Variants in LRMDA observed in about 807,000 individuals in gnomAD.
LRMDA encodes leucine-rich melanocyte differentiation-associated protein.
Under a neutral mutation model 29.8 loss-of-function variants are expected in LRMDA, and 18 were observed. The ratio of observed to expected loss-of-function variants is 0.60; its 90% CI spans 0.42 to 0.90. The LOEUF (loss-of-function observed/expected upper bound fraction) is 0.90. Among genes scored for constraint, LRMDA ranks in the 40% least tolerant of loss-of-function variants. The pLI is 0.00. For missense variants in LRMDA, 273 were observed against 273.9 expected, an observed-to-expected ratio of 1.00 and a Z score of 0.02; for synonymous variants, 125 against 109.4, an observed-to-expected ratio of 1.14 and a Z score of -0.89.
At chr10:75,832,983 T>A (rs889044495) in intron 2 of LRMDA, among the ~76,000 whole-genome samples, 1 of 152,172 alleles carries the variant, frequency 6.6e-6, no homozygotes, top group African/African-American at 2.4e-5. Context: ...CCATTTCATA[T>A]ACTCTCCCTA....
At chr10:76,471,616 T>C (rs1251000595) in intron 6 of LRMDA, among the ~76,000 whole-genome samples, 1 of 151,704 alleles carries the variant, frequency 6.6e-6, no homozygotes, top group African/African-American at 2.4e-5. Flanking sequence ...ACTGAATCAA[T>C]AGTCAGAGAT....
chr10:76,114,092 A>G (rs1414006969), intron 5 of LRMDA, among the ~76,000 whole-genome samples: 1 of 152,018 alleles, frequency 6.6e-6, no homozygotes, highest in Non-Finnish European at 1.5e-5. Context: ...GACATCTGCC[A>G]CTCTGTAAAG....
intron 2 of LRMDA, among the ~76,000 whole-genome samples, chr10:75,920,817 G>T (rs1449459188): frequency 2.0e-5 from 3 of 152,226 alleles, no homozygotes; most frequent in African/African-American, 7.2e-5. Flanking sequence ...TGCACCCCCA[G>T]GAAGTACTGC....
At chr10:75,936,464 T>G (rs2132405362) in intron 2 of LRMDA, among the ~76,000 whole-genome samples, 1 of 152,296 alleles carries the variant, frequency 6.6e-6, no homozygotes, top group South Asian at 2.1e-4. Flanking sequence ...TTTAGGCCTA[T>G]TTGCATATCT....
intron 6 of LRMDA, among the ~76,000 whole-genome samples, chr10:76,514,294 C>T (rs1024445248): frequency 2.0e-5 from 3 of 152,096 alleles, no homozygotes; most frequent in African/African-American, 7.2e-5. Context: ...GTTAGCCCAC[C>T]AAAAGCAAAG....
chr10:75,915,819 T>A (rs78356133), intron 2 of LRMDA, among the ~76,000 whole-genome samples: 6,877 of 152,072 alleles, frequency 0.045, 288 homozygotes, highest in East Asian at 0.21. Context: ...GGGGATAGGG[T>A]CAGAATATAA....
chr10:76,213,022 C>T (rs1851664121), intron 5 of LRMDA, among the ~76,000 whole-genome samples: 2 of 152,208 alleles, frequency 1.3e-5, no homozygotes, highest in African/African-American at 2.4e-5. Context: ...GATGGATCAC[C>T]ATTTTGTGAA....
intron 5 of LRMDA, among the ~76,000 whole-genome samples, chr10:76,259,952 C>T (rs539660516): frequency 2.0e-5 from 3 of 151,880 alleles, no homozygotes; most frequent in African/African-American, 7.2e-5. Flanking sequence ...CCCTTCAGTT[C>T]AAGTCTACAT....
chr10:75,492,060 A>G (rs1362027682), intron 2 of LRMDA, among the ~76,000 whole-genome samples: 1 of 152,226 alleles, frequency 6.6e-6, no homozygotes, highest in Non-Finnish European at 1.5e-5. Flanking sequence ...AGAACTGAGC[A>G]GATGTAGATG....
intron 2 of LRMDA, among the ~76,000 whole-genome samples, chr10:75,866,259 T>A (rs1845016883): frequency 6.6e-6 from 1 of 151,902 alleles, no homozygotes; most frequent in Admixed American, 6.6e-5. Context: ...GAGCCACCTC[T>A]GCTCCACACA....
At position 76,495,824 on chromosome 10, in the gene LRMDA, T is replaced by TTCCATGTCTTTGGTATTGTGAATGGTGC. The variant is rs1374749886; in HGVS notation, c.602-61385_602-61384insTCCATGTCTTTGGTATTGTGAATGGTGC. Among the ~76,000 whole-genome samples the TTCCATGTCTTTGGTATTGTGAATGGTGC allele has an allele frequency of 2.5e-3, 53 of 21,322 alleles. 4 individuals carry two copies. Among genetic ancestry groups the TTCCATGTCTTTGGTATTGTGAATGGTGC allele is most frequent in the Non-Finnish European group, 9.7e-3 (25 of 2,582 alleles). The allele number at this position is 21,322 out of a possible 152,430, so 14.0% of individuals were successfully genotyped here. ...ATTCCACCTGTCCATTTTCAGTATA[T>TTCCATGTCTTTGGTATTGTGAATGGTGC]AGAAAATGCAATTGATTTGTTTGTA... On this transcript the variant is annotated intron_variant, in intron 6 of 6. Transcript: ENST00000611255.
At chr10:76,231,220 A>G (rs1452114584) in intron 5 of LRMDA, among the ~76,000 whole-genome samples, 2 of 152,224 alleles carry the variant, frequency 1.3e-5, no homozygotes, top group African/African-American at 2.4e-5. Flanking sequence ...GCTGGTTTTT[A>G]TATTTGAGAT....
chr10:75,810,162 G>C (rs538192100), intron 2 of LRMDA, among the ~76,000 whole-genome samples: 3 of 152,366 alleles, frequency 2.0e-5, no homozygotes, highest in Non-Finnish European at 4.4e-5. Context: ...AGCGTAGCTG[G>C]AGTTCAGAGA....
At chr10:75,855,716 T>C (rs1463080793) in intron 2 of LRMDA, among the ~76,000 whole-genome samples, 6 of 152,246 alleles carry the variant, frequency 3.9e-5, no homozygotes, top group Non-Finnish European at 8.8e-5. Context: ...TTTAAGTCTT[T>C]AATCCATCTT....
At chr10:75,496,388 TG>T (rs1432972364) in intron 2 of LRMDA, among the ~76,000 whole-genome samples, 16 of 152,224 alleles carry the variant, frequency 1.1e-4, no homozygotes, top group Admixed American at 9.8e-4. Flanking sequence ...ACATGTAAAG[TG>T]CTTAGCACAT....
At chr10:75,459,721 A>C (rs1844562655) in intron 2 of LRMDA, among the ~76,000 whole-genome samples, 1 of 152,148 alleles carries the variant, frequency 6.6e-6, no homozygotes, top group South Asian at 2.1e-4. Context: ...AATGAACAGA[A>C]ATGTACTGGC....
At chr10:75,493,348 G>GGTGGGGGTGT (rs148712950) in intron 2 of LRMDA, among the ~76,000 whole-genome samples, 2 of 133,270 alleles carry the variant, frequency 1.5e-5, no homozygotes, top group East Asian at 2.2e-4. Flanking sequence ...GTTGAGATTG[G>GGTGGGGGTGT]GTGTGTGTGT....
At chr10:75,891,070 A>T (rs562858022) in intron 2 of LRMDA, among the ~76,000 whole-genome samples, 7 of 151,180 alleles carry the variant, frequency 4.6e-5, no homozygotes, top group Non-Finnish European at 8.8e-5. Context: ...GCACCACCGC[A>T]CTCCAGCCTG....
At chr10:76,423,131 A>C (rs1322113209) in intron 6 of LRMDA, among the ~76,000 whole-genome samples, 1 of 152,252 alleles carries the variant, frequency 6.6e-6, no homozygotes, top group Non-Finnish European at 1.5e-5. Context: ...GTAGTGGCAC[A>C]TGCCTGTAAT....
Sources: gnomAD v4.1 joint callset for allele counts (sites outside exome capture counted in the v4.1 genomes callset) on GRCh38, gnomAD v4.1.1 for gene constraint, MANE v1.5 for transcripts, NCBI Gene and HGNC (gene_info 2026-07-23, HGNC 2026-07-21) for gene names.